The following LCLAT1 variants were observed in gnomAD, a reference collection of about 807,000 sequenced individuals.
The protein encoded by LCLAT1 is 1-AGP acyltransferase 8.
Under a neutral mutation model 30.7 loss-of-function variants are expected in LCLAT1, and 11 were observed. That is an observed-to-expected ratio of 0.36 (90% CI 0.23 to 0.59). The LOEUF (loss-of-function observed/expected upper bound fraction) is 0.59, where lower values mean the gene tolerates loss of function less well. LCLAT1 is among the 20% of genes least tolerant of loss of function. The pLI, the probability that LCLAT1 is intolerant of heterozygous loss-of-function variation, is 0.77. For synonymous variants in LCLAT1, 155 were observed against 151.3 expected, an observed-to-expected ratio of 1.02 and a Z score of -0.18; for missense variants, 402 against 458.6, an observed-to-expected ratio of 0.88 and a Z score of 1.13.
At chr2:30,629,849 A>T (rs1668687106) in intron 5 of LCLAT1, among the ~76,000 whole-genome samples, 1 of 152,170 alleles carries the variant, frequency 6.6e-6, no homozygotes, top group South Asian at 2.1e-4. Context: ...CATCTATAAC[A>T]TGTTTTAGAA....
At chr2:30,476,831 C>T (rs189743861) in intron 1 of LCLAT1, among the ~76,000 whole-genome samples, 16 of 152,280 alleles carry the variant, frequency 1.1e-4, no homozygotes, top group Admixed American at 9.2e-4. Flanking sequence ...AGGCTGTCAG[C>T]TCTCTGAGGG....
intron 3 of LCLAT1, among the ~76,000 whole-genome samples, chr2:30,538,082 A>G (rs1663889458): frequency 6.6e-6 from 1 of 152,188 alleles, no homozygotes. Flanking sequence ...CAAAAGCAGT[A>G]GTAAGAGCGC....
chr2:30,548,833 A>G (rs1469711413), intron 3 of LCLAT1, among the ~76,000 whole-genome samples: 1 of 152,186 alleles, frequency 6.6e-6, no homozygotes, highest in Non-Finnish European at 1.5e-5. Flanking sequence ...AAGACTGGAA[A>G]GTAAGTCACA....
intron 3 of LCLAT1, among the ~76,000 whole-genome samples, chr2:30,534,567 G>A (rs1558502964): frequency 6.6e-6 from 1 of 152,156 alleles, no homozygotes; most frequent in Admixed American, 6.5e-5. Context: ...GAGCCACTGC[G>A]CCCGGCCAAC....
At chr2:30,630,021 A>T (rs1337504902) in intron 5 of LCLAT1, among the ~76,000 whole-genome samples, 1 of 152,218 alleles carries the variant, frequency 6.6e-6, no homozygotes, top group East Asian at 1.9e-4. Flanking sequence ...AGACTGAGTG[A>T]CTTAAACAAA....
chr2:30,564,408 A>C (rs1024436223), intron 4 of LCLAT1, among the ~76,000 whole-genome samples: 1 of 152,136 alleles, frequency 6.6e-6, no homozygotes, highest in African/African-American at 2.4e-5. Context: ...AGAGTCATAA[A>C]ATGTATATGT....
At chr2:30,533,085 A>T in intron 2 of LCLAT1, 31 bp from the exon 3 acceptor site, 1 of 1,479,430 alleles carries the variant, frequency 6.8e-7, no homozygotes, top group Non-Finnish European at 9.5e-7. Context: ...TCATAACTTT[A>T]ATTTGCTGTA....
At chr2:30,518,509 C>G (rs1260728468) in intron 1 of LCLAT1, among the ~76,000 whole-genome samples, 2 of 152,156 alleles carry the variant, frequency 1.3e-5, no homozygotes, top group Non-Finnish European at 2.9e-5. Flanking sequence ...TTAATTTAGA[C>G]TAAACAAAGT....
At chr2:30,571,159 G>C (rs568437103) in intron 5 of LCLAT1, among the ~76,000 whole-genome samples, 1 of 152,244 alleles carries the variant, frequency 6.6e-6, no homozygotes, top group Non-Finnish European at 1.5e-5. Context: ...CTTAAATTCT[G>C]AATATAAAGG....
At chr2:30,536,661 A>G (rs1472985722) in intron 3 of LCLAT1, among the ~76,000 whole-genome samples, 1 of 152,278 alleles carries the variant, frequency 6.6e-6, no homozygotes, top group South Asian at 2.1e-4. Context: ...AAAAAGTGAT[A>G]TCTAAGCATT....
intron 1 of LCLAT1, among the ~76,000 whole-genome samples, chr2:30,468,669 G>A (rs1044833081): frequency 6.6e-6 from 1 of 152,164 alleles, no homozygotes; most frequent in Middle Eastern, 3.2e-3. Flanking sequence ...AAAGGAAACT[G>A]TGTACCATTA....
At chr2:30,551,061 C>T (rs1664654697) in intron 3 of LCLAT1, among the ~76,000 whole-genome samples, 1 of 152,168 alleles carries the variant, frequency 6.6e-6, no homozygotes, top group African/African-American at 2.4e-5. Flanking sequence ...TCACTGCATC[C>T]TTGACCTCCT....
At chr2:30,459,138 G>GGATTCAAGC (rs943593472) in intron 1 of LCLAT1, among the ~76,000 whole-genome samples, 5 of 152,128 alleles carry the variant, frequency 3.3e-5, no homozygotes, top group Non-Finnish European at 5.9e-5. Flanking sequence ...AGCCATCTTT[G>GGATTCAAGC]AAACTTGAAT....
chr2:30,531,320 T>G (rs1236607174), intron 2 of LCLAT1, among the ~76,000 whole-genome samples: 1 of 152,182 alleles, frequency 6.6e-6, no homozygotes, highest in Non-Finnish European at 1.5e-5. Context: ...CCTGTAGGAC[T>G]CTGCCATGAT....
chr2:30,478,598 A>C (rs1452543982), intron 1 of LCLAT1, among the ~76,000 whole-genome samples: 1 of 152,182 alleles, frequency 6.6e-6, no homozygotes, highest in Admixed American at 6.5e-5. Flanking sequence ...GGATCACTTG[A>C]GCCCAGGAGC....
chr2:30,621,400 TG>T (rs1315634472), intron 5 of LCLAT1, among the ~76,000 whole-genome samples: 3 of 152,064 alleles, frequency 2.0e-5, no homozygotes, highest in Admixed American at 6.6e-5. Flanking sequence ...AAGAGATTAG[TG>T]CCCTTACAAG....
intron 3 of LCLAT1, among the ~76,000 whole-genome samples, chr2:30,536,001 T>C (rs1437986633): frequency 6.6e-6 from 1 of 150,582 alleles, no homozygotes; most frequent in South Asian, 2.1e-4. Flanking sequence ...ACTGAAAAAT[T>C]CAGTAAATGA....
chr2:30,490,199 ATT>A (rs772695376), intron 1 of LCLAT1, among the ~76,000 whole-genome samples: 30 of 121,418 alleles, frequency 2.5e-4, no homozygotes, highest in African/African-American at 3.4e-4. Flanking sequence ...GGCTACTCTG[ATT>A]TTTTTTTTTT....
At position 30,640,467 on chromosome 2, in the gene LCLAT1, T is replaced by C; in HGVS notation, c.979T>C (p.Tyr327His). 1 of 1,614,182 alleles carries C rather than the reference T, an allele frequency of 6.2e-7. No homozygotes were observed. The highest frequency in any genetic ancestry group is 8.5e-7 in the Non-Finnish European group (1 of 1,179,980). The change falls in exon 6 of 6, where the codon TAT (tyrosine) becomes CAT (histidine). Residue 327 changes from tyrosine (Y) to histidine (H), a missense_variant. Coordinates refer to ENST00000379509, the MANE Select transcript of LCLAT1 (RefSeq NM_001002257.3). ...CAGCCCTGCAATGTGCCTACTCATA[T>C]ATTTGTACAGTCTTGTTAAGTGGTA... ...LFSPAMCLLI[Y>H]LYSLVKWYFI...
Sources: allele counts gnomAD v4.1 joint callset (sites outside exome capture counted in the v4.1 genomes callset), GRCh38; gene constraint gnomAD v4.1.1; transcripts MANE v1.5; gene names NCBI Gene and HGNC (gene_info 2026-07-23, HGNC 2026-07-21).